Variants in TMOD1 observed in about 807,000 individuals in gnomAD.
TMOD1 encodes the protein tropomodulin-1.
A neutral mutation model predicts 40.6 loss-of-function variants in TMOD1; 17 were observed. The ratio of observed to expected loss-of-function variants is 0.42; its 90% confidence interval spans 0.29 to 0.63. The LOEUF (loss-of-function observed/expected upper bound fraction) is 0.63. Ranked by LOEUF, TMOD1 falls within the 20% of genes least tolerant of loss-of-function variation. TMOD1 has a pLI of 0.22. For missense variants in TMOD1, 391 were observed against 447.6 expected (o/e 0.87, Z 1.14); for synonymous variants, 181 against 175.0 (o/e 1.03, Z -0.27).
chr9:97,584,664 G>T (rs10982862), intron 8 of TMOD1, among the ~76,000 whole-genome samples: 22,326 of 152,116 alleles, frequency 0.15, 2,059 homozygotes, highest in East Asian at 0.34. Context: ...CTCAGGACTT[G>T]CTTTATGAAT....
intron 8 of TMOD1, among the ~76,000 whole-genome samples, chr9:97,583,475 GTC>G (rs1247476962): frequency 6.6e-6 from 1 of 151,512 alleles, no homozygotes; most frequent in Non-Finnish European, 1.5e-5. Flanking sequence ...TTTTTGTTGT[GTC>G]TCTGCCTGGC....
intron 4 of TMOD1, among the ~76,000 whole-genome samples, 176 bp downstream of exon 4, chr9:97,553,576 G>T (rs1165105991): frequency 6.6e-6 from 1 of 152,144 alleles, no homozygotes; most frequent in African/African-American, 2.4e-5. Flanking sequence ...AAGGAAAATA[G>T]AGAGAAAACC....
At chr9:97,560,199 A>G (rs1830616193) in intron 4 of TMOD1, among the ~76,000 whole-genome samples, 1 of 152,152 alleles carries the variant, frequency 6.6e-6, no homozygotes, top group Non-Finnish European at 1.5e-5. Flanking sequence ...GTGGAAGAGA[A>G]AATATCCTTC....
intron 3 of TMOD1, among the ~76,000 whole-genome samples, chr9:97,549,015 T>G (rs2131250428): frequency 6.6e-6 from 1 of 152,066 alleles, no homozygotes; most frequent in African/African-American, 2.4e-5. Flanking sequence ...CCGCAAGACC[T>G]GATAGTATGT....
At chr9:97,529,049 G>T (rs778557521) in intron 2 of TMOD1, among the ~76,000 whole-genome samples, 1 of 152,242 alleles carries the variant, frequency 6.6e-6, no homozygotes, top group Non-Finnish European at 1.5e-5. Context: ...ACAACTAGGC[G>T]ATGGCAGAGC....
At chr9:97,573,912 G>C (rs1830863634) in intron 8 of TMOD1, among the ~76,000 whole-genome samples, 3 of 152,250 alleles carry the variant, frequency 2.0e-5, no homozygotes, top group Admixed American at 2.0e-4. Flanking sequence ...CTCAAGGGGA[G>C]AGAAATCAGA....
chr9:97,571,726 T>G (rs1244098727), intron 8 of TMOD1, among the ~76,000 whole-genome samples: 3 of 152,250 alleles, frequency 2.0e-5, no homozygotes, highest in Non-Finnish European at 4.4e-5. Context: ...CCCAGGTCTG[T>G]GTGACTCCAG....
rs1351622937 is a variant in TMOD1, at chr9:97,563,956, C to T, written c.488-82C>T. 7.1e-6 allele frequency: 11 copies of T among 1,540,044 alleles called. No homozygotes were observed. The East Asian group carries it at 2.1e-4, about 29-fold the overall frequency. On this transcript the variant is annotated intron_variant, in intron 5 of 9. Transcript: ENST00000259365. ...CTCACGTGCCCCAACCCTGCACATGCTCCCTTCCACAGTATCTTTGTGTTG... is the reference window on the plus strand; with the variant it reads ...CTCACGTGCCCCAACCCTGCACATGTTCCCTTCCACAGTATCTTTGTGTTG...
At chr9:97,581,101 G>A (rs1193784208) in intron 8 of TMOD1, among the ~76,000 whole-genome samples, 4 of 145,728 alleles carry the variant, frequency 2.7e-5, no homozygotes, top group Non-Finnish European at 3.0e-5. Context: ...CCACTAACTC[G>A]TCATCTAGCA....
In TMOD1 at chr9:97,601,018, G is replaced by A. The variant is rs751027063; in HGVS notation, c.*1320G>A. The A allele has an allele frequency of 1.0e-5, 13 of 1,292,098 alleles. No individual in the cohort carries two copies. Among genetic ancestry groups the A allele is most frequent in the Non-Finnish European group, 1.3e-5 (13 of 982,212 alleles). 80.0% of individuals were successfully genotyped at this position (1,292,098 alleles called of 1,614,324 possible). A position where few individuals can be genotyped will look rare whatever the true frequency, so the allele number is the denominator to read the frequency against. ...AGCACTGAGCAGAGAGGCTGGTGAT[G>A]AAAAGGTGAAGGCCTGCGCACTGAA... is the stretch of plus-strand genomic sequence containing the variant. On this transcript the variant is annotated 3_prime_UTR_variant, in exon 10 of 10. Transcript: ENST00000259365.
chr9:97,534,857 C>A (rs1295405338), intron 2 of TMOD1, among the ~76,000 whole-genome samples: 1 of 152,168 alleles, frequency 6.6e-6, no homozygotes, highest in African/African-American at 2.4e-5. Flanking sequence ...GAGAATCCTG[C>A]AAAGGCTGAA....
chr9:97,548,389 G>C (rs1830397114), intron 3 of TMOD1, among the ~76,000 whole-genome samples: 1 of 152,192 alleles, frequency 6.6e-6, no homozygotes, highest in South Asian at 2.1e-4. Flanking sequence ...GGAGGCCTAA[G>C]GGGCATCTAG....
intron 1 of TMOD1, among the ~76,000 whole-genome samples, chr9:97,523,525 C>G (rs752791726): frequency 1.4e-4 from 21 of 152,220 alleles, no homozygotes; most frequent in Non-Finnish European, 2.5e-4. Flanking sequence ...GTCACTTAAT[C>G]TCTCTAAGTC....
chr9:97,595,991 T>C (rs1826102752), intron 9 of TMOD1, among the ~76,000 whole-genome samples: 1 of 151,850 alleles, frequency 6.6e-6, no homozygotes, highest in Non-Finnish European at 1.5e-5. Flanking sequence ...GGAGGATCGC[T>C]TGAACCCGGG....
chr9:97,573,194 C>T (rs1830849300), intron 8 of TMOD1, among the ~76,000 whole-genome samples: 1 of 152,228 alleles, frequency 6.6e-6, no homozygotes, highest in East Asian at 1.9e-4. Context: ...GGCTTCTGTG[C>T]TGCTCTCACC....
Position 97,601,532 on chromosome 9 carries a change from G to A in TMOD1, c.*1834G>A, listed in dbSNP as rs913372564. 4 of 989,456 alleles carry A rather than the reference G, an allele frequency of 4.0e-6. No individual in the cohort carries two copies. Among genetic ancestry groups the A allele is most frequent in the Non-Finnish European group, 4.8e-6 (4 of 832,374 alleles). The allele number at this position is 989,456 out of a possible 1,614,324, so 61.3% of individuals were successfully genotyped here. A position where few individuals can be genotyped will look rare whatever the true frequency, so the allele number is the denominator to read the frequency against. ...CGAAACCAAACCAACAGAAAATGAA[G>A]AAGGCCACATCTTTAAGGCCACCTC... On this transcript the variant is annotated 3_prime_UTR_variant, in exon 10 of 10. Transcript: ENST00000259365.
rs764942876 is a variant in TMOD1 at position 97,565,982 on chromosome 9, T to C, written c.726+27T>C. ...TATGTACCTTTCTGTTCTGTTGCATTGTGGCTGGGGGCCTTGAAACAGAAG... is the reference window on the plus strand; with the variant it reads ...TATGTACCTTTCTGTTCTGTTGCATCGTGGCTGGGGGCCTTGAAACAGAAG... On this transcript the variant is annotated intron_variant, in intron 7 of 9. Transcript: ENST00000259365. 8 of 1,597,336 alleles carry C rather than the reference T, an allele frequency of 5.0e-6. No homozygotes were observed. In the South Asian group the frequency reaches 8.8e-5, roughly 18 times the overall value.
At chr9:97,597,745 C>A (rs1054011637) in intron 9 of TMOD1, among the ~76,000 whole-genome samples, 1 of 147,850 alleles carries the variant, frequency 6.8e-6, no homozygotes, top group Non-Finnish European at 1.5e-5. Context: ...GAACCATGCA[C>A]ACACACACAC....
chr9:97,592,831 A>G (rs746184447), intron 9 of TMOD1, among the ~76,000 whole-genome samples: 1 of 152,214 alleles, frequency 6.6e-6, no homozygotes, highest in Non-Finnish European at 1.5e-5. Flanking sequence ...CCCAGGAGCT[A>G]TTCATTCATT....
Sources: allele counts gnomAD v4.1 joint callset (sites outside exome capture counted in the v4.1 genomes callset), GRCh38; gene constraint gnomAD v4.1.1; transcripts MANE v1.5; gene names NCBI Gene and HGNC (gene_info 2026-07-23, HGNC 2026-07-21).